The following CNKSR3 variants were observed in gnomAD, a reference collection of about 807,000 sequenced individuals.
CNKSR3 encodes connector enhancer of kinase suppressor of ras 3.
A neutral mutation model predicts 67.7 loss-of-function variants in CNKSR3; 36 were observed. The ratio of observed to expected loss-of-function variants is 0.53; its 90% CI spans 0.41 to 0.70. CNKSR3 has a LOEUF of 0.70. Among genes scored for constraint, CNKSR3 ranks in the 30% least tolerant of loss-of-function variants. The pLI, the probability that CNKSR3 is intolerant of heterozygous loss-of-function variation, is 0.00. For missense variants in CNKSR3, 630 were observed against 695.2 expected (o/e 0.91, Z 1.05); for synonymous variants, 281 against 271.4 (o/e 1.04, Z -0.35).
intron 1 of CNKSR3, among the ~76,000 whole-genome samples, chr6:154,473,643 G>A (rs908371671): frequency 2.0e-5 from 3 of 152,108 alleles, no homozygotes; most frequent in Non-Finnish European, 2.9e-5. Context: ...GACAGAGCCC[G>A]GCTCTTACAG....
chr6:154,477,024 T>C (rs1461726593), intron 1 of CNKSR3, among the ~76,000 whole-genome samples: 1 of 152,200 alleles, frequency 6.6e-6, no homozygotes, highest in Non-Finnish European at 1.5e-5. Flanking sequence ...GAATGTCTAC[T>C]TTCTTATCTT....
At position 154,390,638 on chromosome 6, in the gene CNKSR3, A is replaced by ATAGTCAGCAAGGCTGTGCATCATTTTGTG. The variant is rs1784593639; in HGVS notation, c.*15687_*15715dup. 1 of 152,114 alleles carries ATAGTCAGCAAGGCTGTGCATCATTTTGTG rather than the reference A, an allele frequency of 6.6e-6. No homozygotes were observed. The highest frequency in any genetic ancestry group is 1.5e-5 in the Non-Finnish European group (1 of 68,040). The allele number at this position is 152,114 out of a possible 1,614,324, so 9.4% of individuals were successfully genotyped here. Reference sequence around the variant, plus strand: ...TCTCTGTTTGGCTCATTTTGAAGTGATAGTCAGCAAGGCTGTGCATCATTT... The same window carrying ATAGTCAGCAAGGCTGTGCATCATTTTGTG: ...TCTCTGTTTGGCTCATTTTGAAGTGATAGTCAGCAAGGCTGTGCATCATTTTGTGTAGTCAGCAAGGCTGTGCATCATTT... On this transcript the variant is annotated 3_prime_UTR_variant, in exon 13 of 13. Transcript: ENST00000607772.
chr6:154,444,266 A>C (rs1785661226), intron 2 of CNKSR3, among the ~76,000 whole-genome samples: 1 of 152,214 alleles, frequency 6.6e-6, no homozygotes, highest in South Asian at 2.1e-4. Flanking sequence ...ATCTCAGGAA[A>C]ACAGCCCGTG....
rs869154714 is a variant in CNKSR3 at position 154,470,188 on chromosome 6, C to CTTTTTTT, written c.53-19937_53-19931dup. 4.7e-4 allele frequency among the ~76,000 whole-genome samples: 32 copies of CTTTTTTT among 68,748 alleles called. 3 individuals carry two copies. Among genetic ancestry groups the CTTTTTTT allele is most frequent in the Non-Finnish European group, 6.5e-4 (25 of 38,378 alleles). The allele number at this position is 68,748 out of a possible 152,430, so 45.1% of individuals were successfully genotyped here. On this transcript the variant is annotated intron_variant, in intron 1 of 12. Transcript: ENST00000607772. ...TGTAATAAAGAACCTACTTTCTTTCCTTTTTTTTTTTTTTTTTTTTTTTTT... is the reference window on the plus strand; with the variant it reads ...TGTAATAAAGAACCTACTTTCTTTCCTTTTTTTTTTTTTTTTTTTTTTTTTTTTTTTT...
intron 1 of CNKSR3, among the ~76,000 whole-genome samples, chr6:154,496,383 T>A (rs1042793741): frequency 4.9e-5 from 7 of 142,440 alleles, no homozygotes; most frequent in African/African-American, 1.7e-4. Flanking sequence ...CTCTCCCACA[T>A]TTCCGTTTAA....
At chr6:154,442,405 GAGGTC>G (rs1687643603) in intron 2 of CNKSR3, 115 bp from the exon 3 acceptor site, 1 of 785,762 alleles carries the variant, frequency 1.3e-6, no homozygotes, top group Admixed American at 2.2e-5. Flanking sequence ...GGCGGATCAC[GAGGTC>G]AGGAGATCGA....
chr6:154,451,903 T>A (rs1314081134), intron 1 of CNKSR3, among the ~76,000 whole-genome samples: 2 of 152,126 alleles, frequency 1.3e-5, no homozygotes, highest in Non-Finnish European at 2.9e-5. Flanking sequence ...GATACTGATA[T>A]AAACCCAGCT....
intron 1 of CNKSR3, among the ~76,000 whole-genome samples, chr6:154,489,387 C>A (rs1026092287): frequency 6.6e-6 from 1 of 152,030 alleles, no homozygotes; most frequent in African/African-American, 2.4e-5. Context: ...AAAAATTAGC[C>A]TGGTGTGGTG....
Position 154,507,690 on chromosome 6 carries a change from A to C in CNKSR3, c.52+2373T>G, listed in dbSNP as rs1787128132. ...ACTAAGCTGTATTTCAGGGTCCAAAAGGGCACAGGCATTTTGTATAACGTA... is the reference window on the plus strand; with the variant it reads ...ACTAAGCTGTATTTCAGGGTCCAAACGGGCACAGGCATTTTGTATAACGTA... On this transcript the variant is annotated intron_variant, in intron 1 of 12. Coordinates refer to ENST00000607772, the MANE Select transcript of CNKSR3 (RefSeq NM_173515.4). Among the ~76,000 whole-genome samples the C allele has an allele frequency of 4.6e-5, 7 of 152,286 alleles. No individual in the cohort carries two copies. The South Asian group carries it at 1.5e-3, about 32-fold the overall frequency.
chr6:154,421,463 T>C (rs578052503), intron 9 of CNKSR3, among the ~76,000 whole-genome samples: 2 of 152,340 alleles, frequency 1.3e-5, no homozygotes, highest in East Asian at 1.9e-4. Context: ...AAATAAACCA[T>C]AATCTCAATC....
At chr6:154,431,580 G>C (rs546155190) in intron 5 of CNKSR3, among the ~76,000 whole-genome samples, 1 of 151,888 alleles carries the variant, frequency 6.6e-6, no homozygotes, top group African/African-American at 2.4e-5. Context: ...AATGCCTAAT[G>C]TCACGTATCC....
chr6:154,496,665 A>T (rs562338828), intron 1 of CNKSR3, among the ~76,000 whole-genome samples: 1 of 152,376 alleles, frequency 6.6e-6, no homozygotes, highest in East Asian at 1.9e-4. Context: ...AAGGTCAAAT[A>T]GTCCCCATTA....
chr6:154,438,915 A>G (rs972993460), intron 4 of CNKSR3, among the ~76,000 whole-genome samples: 11 of 152,162 alleles, frequency 7.2e-5, no homozygotes, highest in Non-Finnish European at 1.3e-4. Context: ...TACCTTTCTG[A>G]TGTGACCAGG....
At chr6:154,498,590 A>G (rs1330527790) in intron 1 of CNKSR3, among the ~76,000 whole-genome samples, 1 of 152,104 alleles carries the variant, frequency 6.6e-6, no homozygotes, top group Admixed American at 6.5e-5. Context: ...CCTGGCCCCT[A>G]TAGGCAACCG....
chr6:154,424,327 AC>A (rs1248023372), intron 7 of CNKSR3, among the ~76,000 whole-genome samples: 1 of 152,140 alleles, frequency 6.6e-6, no homozygotes, highest in East Asian at 1.9e-4. Context: ...CATATCAGCC[AC>A]CTAGCCTAGA....
intron 4 of CNKSR3, among the ~76,000 whole-genome samples, chr6:154,434,935 C>T (rs553457786): frequency 4.2e-4 from 64 of 151,394 alleles, no homozygotes; most frequent in African/African-American, 1.1e-3. Context: ...CATATGTGAT[C>T]GTGTGCTAGA....
Position 154,450,125 on chromosome 6 carries a change from C to A in CNKSR3, c.186G>T (p.Val62=). The A allele has an allele frequency of 6.2e-7, 1 of 1,614,186 alleles. No homozygotes were observed. The highest frequency in any genetic ancestry group is 8.5e-7 in the Non-Finnish European group (1 of 1,180,034). ...CACAGAGAAGGTCCACAGCCTCCAA[C>A]ACAAGCTCCTGGTGTCCAATCCGTG... ...GVTRIGHQEL[V]LEAVDLLCAL... is the part of the protein sequence containing the mutation. Residue 62 remains valine, a synonymous_variant, in exon 2 of 13, where the codon GTG becomes GTT. Transcript: ENST00000607772.
intron 1 of CNKSR3, among the ~76,000 whole-genome samples, chr6:154,470,180 T>C (rs1786293177): frequency 8.2e-6 from 1 of 121,696 alleles, no homozygotes; most frequent in Non-Finnish European, 1.6e-5. Flanking sequence ...AAGAACCTAC[T>C]TTCTTTCCTT....
intron 9 of CNKSR3, 103 bp downstream of exon 9, chr6:154,422,403 C>A: frequency 8.6e-7 from 1 of 1,159,562 alleles, no homozygotes; most frequent in Non-Finnish European, 1.3e-6. Context: ...CATACAAACT[C>A]CTGAAACCAA....
Sources: gnomAD v4.1 joint callset for allele counts (sites outside exome capture counted in the v4.1 genomes callset) on GRCh38, gnomAD v4.1.1 for gene constraint, MANE v1.5 for transcripts, NCBI Gene and HGNC (gene_info 2026-07-23, HGNC 2026-07-21) for gene names.